RCCD1: variants seen among roughly 807,000 people sequenced by gnomAD.
RCCD1 encodes RCC1 domain-containing protein 1.
A neutral mutation model predicts 37.6 loss-of-function variants in RCCD1; 40 were observed. The ratio of observed to expected loss-of-function variants is 1.06; its 90% confidence interval spans 0.83 to 1.39. The LOEUF (loss-of-function observed/expected upper bound fraction) is 1.39. Ranked by LOEUF, RCCD1 falls within the 40% of genes most tolerant of loss-of-function variation. The pLI, the probability that RCCD1 is intolerant of heterozygous loss-of-function variation, is 0.00. For missense variants in RCCD1, 577 were observed against 517.3 expected (o/e 1.12, Z -1.12); for synonymous variants, 263 against 230.0 (o/e 1.14, Z -1.30).
chr15:90,956,567 C>G, intron 1 of RCCD1, 45 bp from the exon 2 acceptor site: 2 of 620,604 alleles, frequency 3.2e-6, no homozygotes, highest in East Asian at 6.9e-5. Flanking sequence ...GTGGCACGGA[C>G]TCTGCCTTTG....
chr15:90,961,899 G>T lies in RCCD1; in HGVS notation c.*130G>T, dbSNP rs987659968. ...AGTCCTGCCCTTCACCCTCAAGCAC[G>T]GTCCTAAACTTGTCTGCACTTTAGA... is the stretch of plus-strand genomic sequence containing the variant. On this transcript the variant is annotated 3_prime_UTR_variant, in exon 8 of 8. Transcript: ENST00000394258. The T allele has an allele frequency of 1.2e-5, 10 of 850,966 alleles. No individual in the cohort carries two copies. In the African/African-American group the frequency reaches 1.5e-4, roughly 13 times the overall value. 52.7% of individuals were successfully genotyped at this position (850,966 alleles called of 1,614,324 possible). A position where few individuals can be genotyped will look rare whatever the true frequency, so the allele number is the denominator to read the frequency against.
intron 1 of RCCD1, chr15:90,956,020 C>G (rs1337067521): frequency 6.6e-6 from 1 of 152,204 alleles, no homozygotes; most frequent in Non-Finnish European, 1.5e-5. Context: ...GCACCAAACC[C>G]TTTATTTGCA....
rs2001216 is a variant in RCCD1, at chr15:90,954,900, T to G, written c.-172T>G. The G allele has an allele frequency of 1.3e-5, 2 of 151,998 alleles. No individual in the cohort carries two copies. Among genetic ancestry groups the G allele is most frequent in the Non-Finnish European group, 2.9e-5 (2 of 68,028 alleles). The allele number at this position is 151,998 out of a possible 1,614,324, so 9.4% of individuals were successfully genotyped here. A position where few individuals can be genotyped will look rare whatever the true frequency, so the allele number is the denominator to read the frequency against. On this transcript the variant is annotated 5_prime_UTR_variant, in exon 1 of 8. An upstream start codon of the reference 5' UTR is lost. Transcript: ENST00000394258. Reference sequence around the variant, plus strand: ...GTAAAAGCTGCTTCCTGTTGGGGCATGAGTCCGGCGCGTGTCGGGTTTTGA... The same window carrying G: ...GTAAAAGCTGCTTCCTGTTGGGGCAGGAGTCCGGCGCGTGTCGGGTTTTGA...
At position 90,961,865 on chromosome 15, in the gene RCCD1, C is replaced by A; in HGVS notation, c.*96C>A. ...CCCCAAGGGCCCCATATTTGCCCCTCCCCATCACAGTCCTGCCCTTCACCC... is the reference window on the plus strand; with the variant it reads ...CCCCAAGGGCCCCATATTTGCCCCTACCCATCACAGTCCTGCCCTTCACCC... On this transcript the variant is annotated 3_prime_UTR_variant, in exon 8 of 8. Transcript: ENST00000394258. 7.8e-7 allele frequency: 1 copy of A among 1,277,254 alleles called. No homozygotes were observed. The highest frequency in any genetic ancestry group is 1.1e-6 in the Non-Finnish European group (1 of 912,162). The allele number at this position is 1,277,254 out of a possible 1,614,324, so 79.1% of individuals were successfully genotyped here. A position where few individuals can be genotyped will look rare whatever the true frequency, so the allele number is the denominator to read the frequency against.
chr15:90,955,019 T>C (rs1400665586), intron 1 of RCCD1, 71 bp downstream of exon 1: 1 of 152,254 alleles, frequency 6.6e-6, no homozygotes, highest in African/African-American at 2.4e-5. Flanking sequence ...TTAATGAATG[T>C]CCTCTCTGTG....
chr15:90,959,927 G>T lies in RCCD1; in HGVS notation c.707G>T (p.Trp236Leu). ...ACTGGGGATATTTATATCTGGGGCT[G>T]GAATGAATCAGGGCAGCTGGCCCTG... is the stretch of plus-strand genomic sequence containing the variant. Reference protein sequence around the residue: ...SETGDIYIWGWNESGQLALPT... With the variant: ...SETGDIYIWGLNESGQLALPT... The change falls in exon 5 of 8, where the codon TGG (tryptophan) becomes TTG (leucine). Residue 236 changes from tryptophan (W) to leucine (L), a missense_variant. Trp to Leu is a moderately conservative substitution (Grantham distance 61). Coordinates refer to ENST00000394258, the MANE Select transcript of RCCD1 (RefSeq NM_001017919.2). The T allele has an allele frequency of 6.2e-7, 1 of 1,613,452 alleles. No individual in the cohort carries two copies. Among genetic ancestry groups the T allele is most frequent in the South Asian group, 1.1e-5 (1 of 91,014 alleles).
intron 4 of RCCD1, chr15:90,959,686 C>G: frequency 9.6e-6 from 4 of 414,968 alleles, no homozygotes; most frequent in Non-Finnish European, 1.3e-5. Context: ...AGTAGAAGGT[C>G]CAGTAAGGGA....
rs1009059428 is a variant in RCCD1 at position 90,962,075 on chromosome 15, G to A, written c.*306G>A. ...CACCCACCTCATCCCAGGTACATTT[G>A]ATGTGCAGCTGAGATTGGGGCACAT... On this transcript the variant is annotated 3_prime_UTR_variant, in exon 8 of 8. Transcript: ENST00000394258. 4.9e-6 allele frequency: 1 copy of A among 202,316 alleles called. No homozygotes were observed. Among genetic ancestry groups the A allele is most frequent in the Admixed American group, 5.5e-5 (1 of 18,250 alleles). The allele number at this position is 202,316 out of a possible 1,614,324, so 12.5% of individuals were successfully genotyped here.
rs79166002 is a variant in RCCD1 at position 90,957,259 on chromosome 15, C to A, written c.313C>A (p.Leu105Met). The A allele has an allele frequency of 1.2e-3, 1,733 of 1,488,970 alleles. 27 individuals are homozygous for A. The African/African-American group carries it at 0.023, about 19-fold the overall frequency. 92.2% of individuals were successfully genotyped at this position (1,488,970 alleles called of 1,614,324 possible). A position where few individuals can be genotyped will look rare whatever the true frequency, so the allele number is the denominator to read the frequency against. Residue 105 changes from leucine (L) to methionine (M), a missense_variant, in exon 3 of 8, where the codon CTG becomes ATG. Transcript: ENST00000394258. ...GCAGGTCTGGGCGGCCGAATCGGCG[C>A]TGCGTGGGGAGCCATTGTGGGCCCA... Reference protein sequence around the residue: ...LLQVWAAESALRGEPLWAQNV... With the variant: ...LLQVWAAESAMRGEPLWAQNV...
At position 90,961,408 on chromosome 15, in the gene RCCD1, G is replaced by A. The variant is rs1489025151; in HGVS notation, c.980-210G>A. ...TCTGAACATCTTAGCTTGGATAGCA[G>A]GGAAGTCTGGAGGAGCGTCTTGCCT... On this transcript the variant is annotated intron_variant, in intron 7 of 7. Transcript: ENST00000394258. 4 of 589,872 alleles carry A rather than the reference G, an allele frequency of 6.8e-6. 1 individual carries two copies. Among genetic ancestry groups the A allele is most frequent in the East Asian group, 2.8e-5 (1 of 35,448 alleles). The allele number at this position is 589,872 out of a possible 1,614,324, so 36.5% of individuals were successfully genotyped here.
In RCCD1 at chr15:90,961,668, C is replaced by G; in HGVS notation, c.1030C>G (p.Arg344Gly). The change falls in exon 8 of 8, where the codon CGC (arginine) becomes GGC (glycine). Residue 344 changes from arginine (R) to glycine (G), a missense_variant. Transcript: ENST00000394258. ...GGACACCACCAGCTTGGATCGGCCT[C>G]GCCGTGTGGAATACTTTGTAGATAA... ...HEDTTSLDRP[R>G]RVEYFVDKQL... The G allele has an allele frequency of 6.2e-7, 1 of 1,614,132 alleles. No homozygotes were observed. Among genetic ancestry groups the G allele is most frequent in the Non-Finnish European group, 8.5e-7 (1 of 1,180,004 alleles).
In RCCD1 at chr15:90,962,670, T is replaced by G. The variant is rs908636562; in HGVS notation, c.*901T>G. ...ACTTTGGGAGGCTAAGCAGGGAGAT[T>G]GCTTGAGGCGAAGAGTTCATATGTT... On this transcript the variant is annotated 3_prime_UTR_variant, in exon 8 of 8. Transcript: ENST00000394258. 5.3e-5 allele frequency: 8 copies of G among 152,236 alleles called. No homozygotes were observed. Among genetic ancestry groups the G allele is most frequent in the African/African-American group, 1.9e-4 (8 of 41,450 alleles). 9.4% of individuals were successfully genotyped at this position (152,236 alleles called of 1,614,324 possible). A position where few individuals can be genotyped will look rare whatever the true frequency, so the allele number is the denominator to read the frequency against.
intron 1 of RCCD1, chr15:90,955,744 A>G (rs1305042414): frequency 1.3e-5 from 2 of 150,732 alleles, no homozygotes; most frequent in South Asian, 2.1e-4. Flanking sequence ...AATCTGCTTG[A>G]AGTTGGCGTT....
At chr15:90,961,313 C>T (rs1188850155) in intron 7 of RCCD1, 9 of 585,788 alleles carry the variant, frequency 1.5e-5, no homozygotes, top group Non-Finnish European at 2.4e-5. Flanking sequence ...AGTATCCAAC[C>T]AGCACTTACA....
intron 4 of RCCD1, among the ~76,000 whole-genome samples, chr15:90,959,546 C>G (rs1289974459): frequency 6.6e-6 from 1 of 152,224 alleles, no homozygotes; most frequent in Non-Finnish European, 1.5e-5. Flanking sequence ...CTCAGCCTCC[C>G]AAAGTGCTGG....
At position 90,961,806 on chromosome 15, in the gene RCCD1, C is replaced by A. The variant is rs1005623066; in HGVS notation, c.*37C>A. ...ATATGTATATGCAACACCTGTGAGA[C>A]CCCCATTCAGGTCAAGGAAAACCAT... On this transcript the variant is annotated 3_prime_UTR_variant, in exon 8 of 8. Coordinates refer to ENST00000394258, the MANE Select transcript of RCCD1 (RefSeq NM_001017919.2). 3 of 1,586,658 alleles carry A rather than the reference C, an allele frequency of 1.9e-6. No individual in the cohort carries two copies. The highest frequency in any genetic ancestry group is 1.4e-5 in the African/African-American group (1 of 74,028).
chr15:90,961,409 G>C, intron 7 of RCCD1: 1 of 589,844 alleles, frequency 1.7e-6, no homozygotes, highest in Non-Finnish European at 3.0e-6. Context: ...TGGATAGCAG[G>C]GAAGTCTGGA....
rs148056787 is a variant in RCCD1, at chr15:90,959,988, C to A, written c.768C>A (p.Val256=). Residue 256 remains valine, a synonymous_variant, in exon 5 of 8, where the codon GTC becomes GTA. Coordinates refer to ENST00000394258, the MANE Select transcript of RCCD1 (RefSeq NM_001017919.2). ...TRNLAEDGET[V]AREATELNED... ...ACCTGGCAGAGGATGGAGAGACTGT[C>A]GCAAGGGAAGGTGAGGGTCATCTCG... 3.1e-6 allele frequency: 5 copies of A among 1,612,586 alleles called. No individual in the cohort carries two copies. Among genetic ancestry groups the A allele is most frequent in the Non-Finnish European group, 4.2e-6 (5 of 1,179,358 alleles).
chr15:90,956,687 C>CT lies in RCCD1; in HGVS notation c.-48_-47insT. On this transcript the variant is annotated 5_prime_UTR_variant, in exon 2 of 8. Coordinates refer to ENST00000394258, the MANE Select transcript of RCCD1 (RefSeq NM_001017919.2). ...AGCGGGCTCTTCGCAAGAATCCCCC[C>CT]GGGCCCGCCGCAGCCAGGCGGCGGC... 8.0e-7 allele frequency: 1 copy of CT among 1,250,028 alleles called. No homozygotes were observed. The highest frequency in any genetic ancestry group is 1.5e-5 in the African/African-American group (1 of 64,714). The allele number at this position is 1,250,028 out of a possible 1,614,324, so 77.4% of individuals were successfully genotyped here.
Sources: allele counts gnomAD v4.1 joint callset (sites outside exome capture counted in the v4.1 genomes callset), GRCh38; gene constraint gnomAD v4.1.1; transcripts MANE v1.5; gene names NCBI Gene and HGNC (gene_info 2026-07-23, HGNC 2026-07-21).